ZNF385D: variants seen among roughly 807,000 people sequenced by gnomAD.
ZNF385D encodes zinc finger protein 659.
ZNF385D carries 15 observed loss-of-function variants against 35.8 expected under a neutral mutation model. The observed-to-expected ratio is 0.42, with a 90% CI of 0.28 to 0.64. ZNF385D has a LOEUF of 0.64. ZNF385D is among the 30% of genes least tolerant of loss of function. ZNF385D has a pLI of 0.23. For synonymous variants in ZNF385D, 212 were observed against 186.8 expected (o/e 1.13, Z -1.10); for missense variants, 474 against 494.6 (o/e 0.96, Z 0.39).
chr3:22,324,450 G>A (rs1049150826), intron 2 of ZNF385D, among the ~76,000 whole-genome samples: 1 of 152,004 alleles, frequency 6.6e-6, no homozygotes, highest in Non-Finnish European at 1.5e-5. Flanking sequence ...ATTTAGAATA[G>A]AAGTCCATTT....
chr3:21,615,818 T>TGTGTGTGTGTGTG (rs1180691873), intron 2 of ZNF385D, among the ~76,000 whole-genome samples: 1 of 40,192 alleles, frequency 2.5e-5, no homozygotes, highest in Non-Finnish European at 4.6e-5. Context: ...GTGTGTGTGT[T>TGTGTGTGTGTGTG]TACTGGTTAA....
intron 3 of ZNF385D, among the ~76,000 whole-genome samples, chr3:21,818,678 G>A (rs2073266728): frequency 6.6e-6 from 1 of 152,028 alleles, no homozygotes; most frequent in Non-Finnish European, 1.5e-5. Flanking sequence ...GGCATATGGA[G>A]GAAATGAGAA....
chr3:21,981,766 C>T (rs1349348926), intron 3 of ZNF385D, among the ~76,000 whole-genome samples: 1 of 152,162 alleles, frequency 6.6e-6, no homozygotes, highest in Non-Finnish European at 1.5e-5. Context: ...AGTCCAGCTT[C>T]AATCTTCTGC....
At chr3:21,792,679 G>A (rs2071979041) in intron 3 of ZNF385D, among the ~76,000 whole-genome samples, 1 of 152,082 alleles carries the variant, frequency 6.6e-6, no homozygotes, top group African/African-American at 2.4e-5. Context: ...ACAGCAAAAA[G>A]CAGGCCCTAG....
intron 3 of ZNF385D, among the ~76,000 whole-genome samples, chr3:22,104,976 C>G (rs1221441963): frequency 6.6e-6 from 1 of 151,738 alleles, no homozygotes; most frequent in African/African-American, 2.4e-5. Context: ...TTACATTGAC[C>G]CAGTATTATT....
chr3:21,547,857 C>T (rs902306919), intron 3 of ZNF385D, among the ~76,000 whole-genome samples: 1 of 152,046 alleles, frequency 6.6e-6, no homozygotes, highest in Non-Finnish European at 1.5e-5. Flanking sequence ...GTGGTCCACC[C>T]CCCTTGGCCT....
rs367733408 is a variant in ZNF385D, at chr3:22,067,026, A to G, written c.325+101791T>C. Among the ~76,000 whole-genome samples the G allele has an allele frequency of 5.3e-5, 8 of 152,316 alleles. No homozygotes were observed. The East Asian group carries it at 1.2e-3, about 22-fold the overall frequency. On this transcript the variant is annotated intron_variant, in intron 3 of 5. Transcript: ENST00000494108. ...ACGCTCAGGCACCTAATGTGACTATAAAGAAGCGATCTTCTCTCCTCAGTG... is the reference window on the plus strand; with the variant it reads ...ACGCTCAGGCACCTAATGTGACTATGAAGAAGCGATCTTCTCTCCTCAGTG...
intron 3 of ZNF385D, among the ~76,000 whole-genome samples, chr3:21,881,662 G>A (rs959634509): frequency 6.6e-6 from 1 of 151,908 alleles, no homozygotes; most frequent in Non-Finnish European, 1.5e-5. Flanking sequence ...TTATATTTAA[G>A]AAAAACATTT....
chr3:22,111,161 TTTTTTTTTTTTTTTTG>T (rs1332446425), intron 3 of ZNF385D, among the ~76,000 whole-genome samples: 4 of 83,696 alleles, frequency 4.8e-5, no homozygotes, highest in Admixed American at 2.3e-4. Flanking sequence ...GATTTTTTTT[TTTTTTTTTTTTTTTTG>T]TTTTTTTTGT....
At chr3:22,121,603 G>A (rs1224174506) in intron 3 of ZNF385D, among the ~76,000 whole-genome samples, 1 of 151,752 alleles carries the variant, frequency 6.6e-6, no homozygotes, top group Non-Finnish European at 1.5e-5. Context: ...AAAACAAACA[G>A]TAATCATACC....
At chr3:21,818,061 A>T (rs576614351) in intron 3 of ZNF385D, among the ~76,000 whole-genome samples, 9 of 152,248 alleles carry the variant, frequency 5.9e-5, no homozygotes, top group Non-Finnish European at 1.2e-4. Context: ...CATCATTCTC[A>T]GCAAACTATC....
At chr3:22,162,251 T>C (rs1706006432) in intron 3 of ZNF385D, among the ~76,000 whole-genome samples, 1 of 152,184 alleles carries the variant, frequency 6.6e-6, no homozygotes, top group Non-Finnish European at 1.5e-5. Context: ...CCAAAATATA[T>C]TTCTTTGGCA....
At chr3:21,711,054 T>TTTTTTTTTTTTTTG (rs2068086703) in intron 1 of ZNF385D, among the ~76,000 whole-genome samples, 1 of 137,670 alleles carries the variant, frequency 7.3e-6, no homozygotes, top group African/African-American at 2.8e-5. Context: ...TTTTTTTTTT[T>TTTTTTTTTTTTTTG]TTTTTGAGAT....
At chr3:22,283,228 G>A (rs1380986874) in intron 2 of ZNF385D, among the ~76,000 whole-genome samples, 1 of 152,008 alleles carries the variant, frequency 6.6e-6, no homozygotes. Flanking sequence ...GCAAACGATA[G>A]TAGTGGGGGA....
intron 3 of ZNF385D, among the ~76,000 whole-genome samples, chr3:21,541,571 C>T (rs781729467): frequency 2.1e-4 from 32 of 152,120 alleles, no homozygotes; most frequent in Admixed American, 9.8e-4. Flanking sequence ...CAGGAATAGA[C>T]ATTAATATGA....
intron 1 of ZNF385D, among the ~76,000 whole-genome samples, chr3:21,747,872 G>GTATACACAT: frequency 6.6e-6 from 1 of 152,198 alleles, no homozygotes; most frequent in Non-Finnish European, 1.5e-5. Context: ...ATTCATCTTT[G>GTATACACAT]GCACATGTAA....
At chr3:22,187,530 T>A (rs1348805928) in intron 2 of ZNF385D, among the ~76,000 whole-genome samples, 2 of 152,010 alleles carry the variant, frequency 1.3e-5, no homozygotes, top group Non-Finnish European at 2.9e-5. Flanking sequence ...TTTTAAAATA[T>A]TACATAGATA....
intron 2 of ZNF385D, among the ~76,000 whole-genome samples, chr3:22,306,541 A>G (rs1307548423): frequency 6.6e-6 from 1 of 152,112 alleles, no homozygotes; most frequent in Non-Finnish European, 1.5e-5. Context: ...AATCAAGAGA[A>G]CAAGACACTG....
At chr3:21,711,615 A>G (rs2125415508) in intron 1 of ZNF385D, among the ~76,000 whole-genome samples, 1 of 152,302 alleles carries the variant, frequency 6.6e-6, no homozygotes, top group East Asian at 1.9e-4. Flanking sequence ...GAAATTCCCC[A>G]TCTCCCATCC....
Sources: gnomAD v4.1 joint callset for allele counts (sites outside exome capture counted in the v4.1 genomes callset) on GRCh38, gnomAD v4.1.1 for gene constraint, MANE v1.5 for transcripts, NCBI Gene and HGNC (gene_info 2026-07-23, HGNC 2026-07-21) for gene names.